The following PTK2 variants were observed in gnomAD, a reference collection of about 807,000 sequenced individuals.
PTK2 encodes the protein protein tyrosine kinase 2.
PTK2 carries 45 observed loss-of-function variants against 150.1 expected under a neutral mutation model. The ratio of observed to expected loss-of-function variants is 0.30; its 90% CI spans 0.24 to 0.38. The LOEUF (loss-of-function observed/expected upper bound fraction) is 0.38, where lower values mean the gene tolerates loss of function less well. PTK2 is among the 10% of genes least tolerant of loss of function. The pLI is 1.00. For missense variants in PTK2, 919 were observed against 1,307.3 expected (o/e 0.70, Z 4.58); for synonymous variants, 432 against 449.2 (o/e 0.96, Z 0.48).
chr8:140,757,236 C>T (rs1191769079), intron 16 of PTK2, among the ~76,000 whole-genome samples: 1 of 152,026 alleles, frequency 6.6e-6, no homozygotes, highest in African/African-American at 2.4e-5. Flanking sequence ...CACCTTATCT[C>T]CCCCAATCTC....
intron 1 of PTK2, among the ~76,000 whole-genome samples, chr8:140,984,479 C>A (rs1279473451): frequency 1.3e-5 from 2 of 152,190 alleles, no homozygotes; most frequent in African/African-American, 4.8e-5. Context: ...CCCAGACAGA[C>A]TGAATTGGAA....
intron 7 of PTK2, among the ~76,000 whole-genome samples, chr8:140,842,499 G>A (rs1018204805): frequency 6.6e-6 from 1 of 151,820 alleles, no homozygotes; most frequent in African/African-American, 2.4e-5. Context: ...AACTCCTTAC[G>A]ACAATCTCAT....
intron 26 of PTK2, among the ~76,000 whole-genome samples, chr8:140,696,064 G>A (rs370848521): frequency 2.0e-5 from 3 of 152,056 alleles, no homozygotes; most frequent in Admixed American, 6.6e-5. Flanking sequence ...GGCCTCTAAC[G>A]TTTAGATGCT....
intron 14 of PTK2, 54 bp downstream of exon 14, chr8:140,789,418 TGA>T: frequency 6.5e-7 from 1 of 1,539,434 alleles, no homozygotes; most frequent in Non-Finnish European, 8.9e-7. Flanking sequence ...TAGACATCTA[TGA>T]TCGTCTTACC....
rs6993701 is a variant in PTK2, at chr8:140,976,722, A to G, written c.-122+24403T>C. On this transcript the variant is annotated intron_variant, in intron 1 of 31. Coordinates refer to ENST00000522684, the Ensembl canonical transcript of PTK2. ...AAGTGTTTCCAGAGGCAGAAAATAG[A>G]AACTCTATTAACTTTTTAAAAAGCC... Among the ~76,000 whole-genome samples, 1,144 of 152,364 alleles carry G rather than the reference A, an allele frequency of 7.5e-3. 12 individuals carry two copies. The highest frequency in any genetic ancestry group is 0.024 in the African/African-American group (985 of 41,580).
At chr8:140,902,932 T>TTTTTTG (rs2100159190) in intron 2 of PTK2, among the ~76,000 whole-genome samples, 3 of 97,064 alleles carry the variant, frequency 3.1e-5, no homozygotes, top group African/African-American at 3.6e-5. Context: ...TTGTTTTTTT[T>TTTTTTG]TTTTTTTTTT....
At chr8:140,921,752 A>AT (rs1197925579) in intron 2 of PTK2, among the ~76,000 whole-genome samples, 1 of 152,224 alleles carries the variant, frequency 6.6e-6, no homozygotes, top group Non-Finnish European at 1.5e-5. Context: ...GTTTCAAAAC[A>AT]TAAGTGAGTA....
intron 29 of PTK2, among the ~76,000 whole-genome samples, chr8:140,672,312 G>A (rs1186447963): frequency 6.6e-6 from 1 of 152,120 alleles, no homozygotes; most frequent in Non-Finnish European, 1.5e-5. Flanking sequence ...TATAGTCATA[G>A]AGGTGCGCCA....
chr8:140,999,938 C>T (rs1431210070), intron 1 of PTK2, among the ~76,000 whole-genome samples: 1 of 150,946 alleles, frequency 6.6e-6, no homozygotes, highest in Non-Finnish European at 1.5e-5. Context: ...TACAATATTA[C>T]TATTATCTTA....
chr8:140,970,705 C>T (rs911626493), intron 1 of PTK2, among the ~76,000 whole-genome samples: 2 of 152,196 alleles, frequency 1.3e-5, no homozygotes, highest in Non-Finnish European at 2.9e-5. Flanking sequence ...TGCTCTGGTG[C>T]CTATCCTCAA....
intron 14 of PTK2, among the ~76,000 whole-genome samples, chr8:140,776,749 C>T (rs1339098861): frequency 6.6e-6 from 1 of 152,084 alleles, no homozygotes. Context: ...GGCCACGGGT[C>T]TGGAGTTCAA....
intron 10 of PTK2, among the ~76,000 whole-genome samples, chr8:140,813,623 A>G (rs1371277219): frequency 1.3e-5 from 2 of 152,230 alleles, no homozygotes; most frequent in Non-Finnish European, 2.9e-5. Context: ...AATGTACCAG[A>G]ATCTCTGGGA....
intron 1 of PTK2, among the ~76,000 whole-genome samples, chr8:140,971,717 T>C (rs1361181723): frequency 6.6e-6 from 1 of 152,266 alleles, no homozygotes; most frequent in Non-Finnish European, 1.5e-5. Context: ...CTTCTTTATA[T>C]ACTTCTCGTA....
chr8:140,917,304 C>T (rs752180027), intron 2 of PTK2, among the ~76,000 whole-genome samples: 11 of 149,890 alleles, frequency 7.3e-5, no homozygotes, highest in Non-Finnish European at 1.3e-4. Context: ...GGCAGAACTG[C>T]TTGAACCAGC....
At chr8:140,854,675 T>C (rs1425832957) in intron 5 of PTK2, among the ~76,000 whole-genome samples, 16 of 152,174 alleles carry the variant, frequency 1.1e-4, no homozygotes, top group Admixed American at 1.0e-3. Context: ...TAGGTCAAAA[T>C]ATTTAGTAAG....
intron 27 of PTK2, among the ~76,000 whole-genome samples, chr8:140,678,732 A>C (rs545091247): frequency 6.6e-6 from 1 of 152,202 alleles, no homozygotes; most frequent in South Asian, 2.1e-4. Flanking sequence ...GCAACCCGGG[A>C]GAAGAGTAGC....
chr8:140,755,163 G>A (rs994487791), intron 16 of PTK2, among the ~76,000 whole-genome samples: 3 of 152,016 alleles, frequency 2.0e-5, no homozygotes, highest in Admixed American at 6.6e-5. Context: ...ATTTAATAAC[G>A]GATTTTAAGG....
At chr8:140,748,071 T>C (rs2100060490) in intron 17 of PTK2, among the ~76,000 whole-genome samples, 1 of 152,120 alleles carries the variant, frequency 6.6e-6, no homozygotes, top group South Asian at 2.1e-4. Context: ...GGTGTGTTCC[T>C]TGCAAGGCCC....
intron 7 of PTK2, among the ~76,000 whole-genome samples, chr8:140,843,520 G>A (rs56317145): frequency 0.022 from 3,369 of 151,650 alleles, 131 homozygotes; most frequent in African/African-American, 0.078. Flanking sequence ...ACTAGAGTAG[G>A]CTTCCACAGT....
Sources: allele counts gnomAD v4.1 joint callset (sites outside exome capture counted in the v4.1 genomes callset), GRCh38; gene constraint gnomAD v4.1.1; transcripts MANE v1.5; gene names NCBI Gene and HGNC (gene_info 2026-07-23, HGNC 2026-07-21).